The following KMT2D variants were observed in gnomAD, a reference collection of about 807,000 sequenced individuals.
The protein encoded by KMT2D is lysine methyltransferase 2D.
In KMT2D, 55 loss-of-function variants were observed where a neutral mutation model predicts 512.7. That is an observed-to-expected ratio of 0.11 (90% CI 0.09 to 0.13). The LOEUF (loss-of-function observed/expected upper bound fraction) is 0.13, where lower values mean the gene tolerates loss of function less well. Among genes scored for constraint, KMT2D ranks in the 10% least tolerant of loss-of-function variants. KMT2D has a pLI of 1.00. For synonymous variants in KMT2D, 2,995 were observed against 2,904.0 expected, an observed-to-expected ratio of 1.03 and a Z score of -1.01; for missense variants, 6,061 against 7,127.9, an observed-to-expected ratio of 0.85 and a Z score of 5.39.
chr12:49,042,748 A>G lies in KMT2D; in HGVS notation c.5775T>C (p.Phe1925=). 6.2e-7 allele frequency: 1 copy of G among 1,613,396 alleles called. No homozygotes were observed. Residue 1925 remains phenylalanine, a synonymous_variant, in exon 27 of 55, where the codon TTT becomes TTC. Transcript: ENST00000301067. This position sits in a 1 kb window ranked among gnomAD's most constrained non-coding sequence, Gnocchi z 4.4. ...CACTCCCACCTGTATTACCTTGAAGAAAGGGCCTCTGCAGTGGCGTACGGC... is the reference window on the plus strand; with the variant it reads ...CACTCCCACCTGTATTACCTTGAAGGAAGGGCCTCTGCAGTGGCGTACGGC... The part of the protein sequence containing the change: ...EGSRTPLQRP[F]LQGGLPLGNL...
chr12:49,024,459 G>T lies in KMT2D; in HGVS notation c.16052+119C>A. On this transcript the variant is annotated intron_variant, in intron 51 of 54. Transcript: ENST00000301067. The surrounding 1 kb of genome is among the most constrained non-coding windows in gnomAD (Gnocchi z 4.5). Reference sequence around the variant, plus strand: ...TGCCCTCTAATTAGGAAGTCTAAGAGTGATTCCCCATTTTCTCCACGGGAA... The same window carrying T: ...TGCCCTCTAATTAGGAAGTCTAAGATTGATTCCCCATTTTCTCCACGGGAA... 1 of 1,334,490 alleles carries T rather than the reference G, an allele frequency of 7.5e-7. No homozygotes were observed. Among genetic ancestry groups the T allele is most frequent in the Non-Finnish European group, 1.0e-6 (1 of 979,458 alleles). The allele number at this position is 1,334,490 out of a possible 1,614,324, so 82.7% of individuals were successfully genotyped here.
rs1942584297 is a variant in KMT2D, at chr12:49,026,292, C to T, written c.15674G>A (p.Arg5225His). ...IYWSLRTNNRRCCYRCSIGEN... is the reference protein window; with the variant it reads ...IYWSLRTNNRHCCYRCSIGEN... ...ACCAATAGAACAGCGATAGCAGCAG[C>T]GACGATTGTTGGTGCGGAGGCTCCA... Residue 5225 changes from arginine to histidine, a missense_variant, in exon 49 of 55, where the codon CGC becomes CAC. Physicochemically the swap from Arg to His is conservative, Grantham distance 29. This residue lies in a region of KMT2D where 261 missense variants were observed against 440.7 expected (regional missense o/e 0.59). Transcript: ENST00000301067. This position sits in a 1 kb window ranked among gnomAD's most constrained non-coding sequence, Gnocchi z 9.6. 6.2e-7 allele frequency: 1 copy of T among 1,611,876 alleles called. No individual in the cohort carries two copies. The highest frequency in any genetic ancestry group is 8.5e-7 in the Non-Finnish European group (1 of 1,178,070).
chr12:49,053,929 C>A (rs779553820), intron 6 of KMT2D, 49 bp downstream of exon 6: 1 of 1,581,242 alleles, frequency 6.3e-7, no homozygotes, highest in Non-Finnish European at 8.6e-7. Context: ...AAATCCAAGG[C>A]ACATTTGGTC....
intron 9 of KMT2D, 74 bp downstream of exon 9, chr12:49,052,841 A>C: frequency 6.3e-7 from 1 of 1,598,944 alleles, no homozygotes; most frequent in Non-Finnish European, 8.6e-7. Context: ...AAGTCCACTC[A>C]ATTTAACAAG....
rs767103818 is a variant in KMT2D at position 49,024,788 on chromosome 12, C to G, written c.15921+22G>C. 7.5e-6 allele frequency: 12 copies of G among 1,610,200 alleles called. No individual in the cohort carries two copies. The South Asian group carries it at 1.2e-4, about 16-fold the overall frequency. ...AGTTCTCAGTGCCCGCCAAGCCCCC[C>G]AGCTCCCAGCCCCTTCCTTACTGAT... On this transcript the variant is annotated intron_variant, in intron 50 of 54. Coordinates refer to ENST00000301067, the MANE Select transcript of KMT2D (RefSeq NM_003482.4). This position sits in a 1 kb window ranked among gnomAD's most constrained non-coding sequence, Gnocchi z 4.5.
Position 49,037,456 on chromosome 12 carries a change from C to T in KMT2D, c.9900G>A (p.Glu3300=), listed in dbSNP as rs2120479370. The change falls in exon 35 of 55, where the codon GAG becomes GAA. Residue 3300 remains glutamate, a synonymous_variant. Transcript: ENST00000301067. ...ACCCAGCCAAACTGGGAGAAGAGCC[C>T]TCATGTGGCAAAGACATGGCCTGGG... is the stretch of plus-strand genomic sequence containing the variant. ...GPAQAMSLPH[E]GSSPSLAGSQ... is the part of the protein sequence containing the mutation. The T allele has an allele frequency of 3.2e-6, 5 of 1,574,144 alleles. No homozygotes were observed. Among genetic ancestry groups the T allele is most frequent in the Non-Finnish European group, 4.3e-6 (5 of 1,159,770 alleles).
Position 49,055,021 on chromosome 12 carries a change from C to T in KMT2D, c.55G>A (p.Gly19Arg). The change falls in exon 3 of 55, where the codon GGA becomes AGA. Residue 19 changes from glycine (G) to arginine (R), a missense_variant. Around this residue, in one of 16 missense-constraint regions of KMT2D, gnomAD observed 144 missense variants for 165.7 expected, o/e 0.87. Coordinates refer to ENST00000301067, the MANE Select transcript of KMT2D (RefSeq NM_003482.4). ...CTTGGGTCCTCAGAAGCTGCAGGTC[C>T]ATCAGCTGAATAAACAGACAAACAG... Reference protein sequence around the residue: ...EDKDSEPAADGPAASEDPSAT... With the variant: ...EDKDSEPAADRPAASEDPSAT... The T allele has an allele frequency of 6.2e-7, 1 of 1,613,856 alleles. No homozygotes were observed. Among genetic ancestry groups the T allele is most frequent in the Non-Finnish European group, 8.5e-7 (1 of 1,179,830 alleles).
intron 35 of KMT2D, among the ~76,000 whole-genome samples, chr12:49,036,399 C>T (rs1250795071): frequency 6.6e-6 from 1 of 151,740 alleles, no homozygotes. Flanking sequence ...GCAACCTCCA[C>T]CTCCTGGGTT....
Position 49,032,783 on chromosome 12 carries a change from C to A in KMT2D, c.11922G>T (p.Gln3974His), listed in dbSNP as rs889095004. The A allele has an allele frequency of 6.4e-7, 1 of 1,557,254 alleles. No individual in the cohort carries two copies. The highest frequency in any genetic ancestry group is 8.7e-7 in the Non-Finnish European group (1 of 1,150,038). The change falls in exon 40 of 55, where the codon CAG (glutamine) becomes CAT (histidine). Residue 3974 changes from glutamine to histidine, a missense_variant. Gln to His is a conservative substitution (Grantham distance 24). This residue lies in a region of KMT2D where 1,600 missense variants were observed against 1,754.9 expected (regional missense o/e 0.91). Transcript: ENST00000301067. ...TTCGACTCTGGTTTAAAAGGCCCAT[C>A]TGCTGCTGTTGCTGCTGCTGTTGAA... ...QQFQQQQQQQ[Q>H]MGLLNQSRTL...
In KMT2D at chr12:49,021,725, T is replaced by C; in HGVS notation, c.*55A>G. The C allele has an allele frequency of 7.3e-7, 1 of 1,379,110 alleles. No homozygotes were observed. The highest frequency in any genetic ancestry group is 1.0e-6 in the Non-Finnish European group (1 of 969,374). 85.4% of individuals were successfully genotyped at this position (1,379,110 alleles called of 1,614,324 possible). On this transcript the variant is annotated 3_prime_UTR_variant, in exon 55 of 55. Transcript: ENST00000301067. ...CTACCTCTCTTCCCCCTCATCCCTTTCAGGGAAGAGGTTGTGGGTAGGGGG... is the reference window on the plus strand; with the variant it reads ...CTACCTCTCTTCCCCCTCATCCCTTCCAGGGAAGAGGTTGTGGGTAGGGGG...
intron 39 of KMT2D, 49 bp downstream of exon 39, chr12:49,034,018 C>A (rs1040918123): frequency 5.7e-6 from 9 of 1,577,122 alleles, no homozygotes; most frequent in Non-Finnish European, 6.0e-6. Flanking sequence ...CCCATGCCAA[C>A]CCTCTTCCCT....
chr12:49,051,628 C>A lies in KMT2D; in HGVS notation c.2055G>T (p.Glu685Asp), dbSNP rs769775749. Reference protein sequence around the residue: ...PEESPTSPPPEASRLSPPPED... With the variant: ...PEESPTSPPPDASRLSPPPED... Reference sequence around the variant, plus strand: ...CAGGTGGTGGGGAGAGGCGTGAAGCCTCAGGTGGAGGGGACGTGGGAGACT... The same window carrying A: ...CAGGTGGTGGGGAGAGGCGTGAAGCATCAGGTGGAGGGGACGTGGGAGACT... The change falls in exon 11 of 55, where the codon GAG becomes GAT. Residue 685 changes from glutamate to aspartate, a missense_variant. Coordinates refer to ENST00000301067, the MANE Select transcript of KMT2D (RefSeq NM_003482.4). 4.5e-6 allele frequency: 7 copies of A among 1,570,614 alleles called. No homozygotes were observed. Among genetic ancestry groups the A allele is most frequent in the Non-Finnish European group, 6.1e-6 (7 of 1,156,278 alleles).
chr12:49,023,858 G>A (rs1194394537), intron 51 of KMT2D, among the ~76,000 whole-genome samples: 1 of 152,202 alleles, frequency 6.6e-6, no homozygotes, highest in Non-Finnish European at 1.5e-5. Flanking sequence ...AGACCTTCGA[G>A]AAAGCCCTGC....
intron 1 of KMT2D, among the ~76,000 whole-genome samples, chr12:49,059,126 A>T (rs977993682): frequency 2.6e-5 from 4 of 152,042 alleles, no homozygotes; most frequent in African/African-American, 7.2e-5. Flanking sequence ...GGGTTCCTTG[A>T]GTTTTCCAGG....
At chr12:49,023,916 C>T (rs918915172) in intron 51 of KMT2D, 15 of 357,888 alleles carry the variant, frequency 4.2e-5, no homozygotes, top group Non-Finnish European at 7.6e-5. Context: ...GTCCCTGGTA[C>T]ACAGAAAGAA....
Position 49,054,810 on chromosome 12 carries a change from T to G in KMT2D, c.177-59A>C. 9 of 1,605,450 alleles carry G rather than the reference T, an allele frequency of 5.6e-6. No homozygotes were observed. In the South Asian group the frequency reaches 8.8e-5, roughly 16 times the overall value. ...CCCCCAGCAACCCCATGATCTGGCA[T>G]GCCCATGCTTCCCCAACACTCATTT... On this transcript the variant is annotated intron_variant, in intron 3 of 54. Coordinates refer to ENST00000301067, the MANE Select transcript of KMT2D (RefSeq NM_003482.4). The surrounding 1 kb of genome is among the most constrained non-coding windows in gnomAD (Gnocchi z 6.4).
intron 24 of KMT2D, 90 bp downstream of exon 24, chr12:49,043,545 G>GGCCA: frequency 6.3e-7 from 1 of 1,594,368 alleles, no homozygotes; most frequent in Non-Finnish European, 8.6e-7. Context: ...GACTCCTGGA[G>GGCCA]GCCAGTCCAT....
Position 49,031,989 on chromosome 12 carries a change from T to C in KMT2D, c.12716A>G (p.Gln4239Arg). ...CCCAGGCTCCTGGTAGGGTGGGGTC[T>C]GGCGTACTGCCTGACTCTGCTGCAG... ...RQLQQSQAVR[Q>R]TPPYQEPGTQ... is the part of the protein sequence containing the mutation. The change falls in exon 40 of 55, where the codon CAG becomes CGG. Residue 4239 changes from glutamine to arginine, a missense_variant. By Grantham distance (43) the Gln-to-Arg change is conservative. Coordinates refer to ENST00000301067, the MANE Select transcript of KMT2D (RefSeq NM_003482.4). The C allele has an allele frequency of 6.3e-7, 1 of 1,589,322 alleles. No homozygotes were observed. The highest frequency in any genetic ancestry group is 8.6e-7 in the Non-Finnish European group (1 of 1,165,036).
rs773149799 is a variant in KMT2D, at chr12:49,028,816, C to T, written c.14382+12G>A. On this transcript the variant is annotated intron_variant, in intron 46 of 54. Coordinates refer to ENST00000301067, the MANE Select transcript of KMT2D (RefSeq NM_003482.4). Reference sequence around the variant, plus strand: ...AGGTTCCCCTCAGCCTCGAGGTACCCCTAGGACACACCTTGGCTGCAGCAG... The same window carrying T: ...AGGTTCCCCTCAGCCTCGAGGTACCTCTAGGACACACCTTGGCTGCAGCAG... The T allele has an allele frequency of 6.2e-7, 1 of 1,613,478 alleles. No homozygotes were observed. Among genetic ancestry groups the T allele is most frequent in the Non-Finnish European group, 8.5e-7 (1 of 1,179,752 alleles).
Sources: allele counts gnomAD v4.1 joint callset (sites outside exome capture counted in the v4.1 genomes callset), GRCh38; gene constraint gnomAD v4.1.1; regional missense constraint gnomAD v4.1.1; non-coding constraint Gnocchi (gnomAD v3.1); transcripts MANE v1.5; gene names NCBI Gene and HGNC (gene_info 2026-07-23, HGNC 2026-07-21).